Variants in SNX27 observed in about 807,000 individuals in gnomAD.
The protein encoded by SNX27 is sorting nexin 27, also known as sorting nexin-27.
A neutral mutation model predicts 71.6 loss-of-function variants in SNX27; 22 were observed. The ratio of observed to expected loss-of-function variants is 0.31; its 90% CI spans 0.22 to 0.44. SNX27 has a LOEUF of 0.44. SNX27 is among the 20% of genes least tolerant of loss of function. The probability of loss-of-function intolerance (pLI) is 1.00; values close to 1 mark genes in which losing one functional copy is unlikely to be tolerated. For synonymous variants in SNX27, 269 were observed against 277.2 expected, an observed-to-expected ratio of 0.97 and a Z score of 0.29; for missense variants, 531 against 698.6, an observed-to-expected ratio of 0.76 and a Z score of 2.70.
At chr1:151,645,722 C>T (rs1004478608) in intron 2 of SNX27, among the ~76,000 whole-genome samples, 7 of 152,172 alleles carry the variant, frequency 4.6e-5, no homozygotes, top group African/African-American at 1.4e-4. Context: ...GTCAGAAAGA[C>T]GTCACTTTCT....
intron 1 of SNX27, among the ~76,000 whole-genome samples, chr1:151,626,699 C>CTAAATAAATAAATAAA (rs71090202): frequency 3.4e-4 from 51 of 151,022 alleles, no homozygotes; most frequent in African/African-American, 1.2e-3. Flanking sequence ...AAGACTCCGT[C>CTAAATAAATAAATAAA]TAAATAAATA....
chr1:151,660,495 G>A (rs1440623738), intron 3 of SNX27: 2 of 252,514 alleles, frequency 7.9e-6, no homozygotes, highest in African/African-American at 4.4e-5. Flanking sequence ...CTTGTTAATA[G>A]GTCACACAAG....
chr1:151,671,901 G>A (rs900040779), intron 7 of SNX27, among the ~76,000 whole-genome samples: 12 of 151,966 alleles, frequency 7.9e-5, no homozygotes, highest in African/African-American at 1.7e-4. Flanking sequence ...ATAGTTTTTC[G>A]GTGGAGTCTT....
intron 1 of SNX27, among the ~76,000 whole-genome samples, chr1:151,637,733 T>G (rs1311566055): frequency 6.6e-6 from 1 of 152,180 alleles, no homozygotes; most frequent in South Asian, 2.1e-4. Context: ...AAATGGATAT[T>G]TCAGATACCA....
intron 1 of SNX27, among the ~76,000 whole-genome samples, chr1:151,633,045 TG>T (rs1211141358): frequency 6.6e-6 from 1 of 151,934 alleles, no homozygotes; most frequent in African/African-American, 2.4e-5. Context: ...CTAATTTTTT[TG>T]TATTTCTAGT....
chr1:151,634,569 C>T (rs1668387284), intron 1 of SNX27, among the ~76,000 whole-genome samples: 1 of 152,142 alleles, frequency 6.6e-6, no homozygotes, highest in Non-Finnish European at 1.5e-5. Context: ...TAGCTTAAGG[C>T]CTCTCTCTAT....
At position 151,694,612 on chromosome 1, in the gene SNX27, G is replaced by C; in HGVS notation, c.*195G>C. On this transcript the variant is annotated 3_prime_UTR_variant, in exon 12 of 12. Transcript: ENST00000458013. Reference sequence around the variant, plus strand: ...GGAATTGAGGTGGTAGTGAACAGCAGATCGGTCAGCACCAGAAGTCAACTG... The same window carrying C: ...GGAATTGAGGTGGTAGTGAACAGCACATCGGTCAGCACCAGAAGTCAACTG... The C allele has an allele frequency of 1.9e-6, 1 of 526,940 alleles. No individual in the cohort carries two copies. The highest frequency in any genetic ancestry group is 3.2e-6 in the Non-Finnish European group (1 of 314,914). The allele number at this position is 526,940 out of a possible 1,614,324, so 32.6% of individuals were successfully genotyped here. A position where few individuals can be genotyped will look rare whatever the true frequency, so the allele number is the denominator to read the frequency against.
rs182851942 is a variant in SNX27, at chr1:151,665,595, G to A, written c.907-338G>A. Among the ~76,000 whole-genome samples, 102 of 152,232 alleles carry A rather than the reference G, an allele frequency of 6.7e-4. 1 individual carries two copies. The highest frequency in any genetic ancestry group is 2.4e-3 in the African/African-American group (98 of 41,516). The stretch of plus-strand genomic sequence containing the variant: ...CTATTAAGTACATTTCTTGTAAGTG[G>A]TGTTAAAAATAGAATGAAGTTATTT... On this transcript the variant is annotated intron_variant, in intron 5 of 11. Coordinates refer to ENST00000458013, the MANE Select transcript of SNX27 (RefSeq NM_001330723.2).
rs1671811659 is a variant in SNX27, at chr1:151,697,393, G to C, written c.*2976G>C. ...GGAGGCCCCTTAGAATGGGTAGATG[G>C]TGTTATGTTCCCTTTCTGGCATAGC... On this transcript the variant is annotated 3_prime_UTR_variant, in exon 12 of 12. Coordinates refer to ENST00000458013, the MANE Select transcript of SNX27 (RefSeq NM_001330723.2). 6.6e-6 allele frequency: 1 copy of C among 152,476 alleles called. No homozygotes were observed. The allele number at this position is 152,476 out of a possible 1,614,324, so 9.4% of individuals were successfully genotyped here.
At chr1:151,633,972 G>T (rs1240612882) in intron 1 of SNX27, among the ~76,000 whole-genome samples, 19 of 143,950 alleles carry the variant, frequency 1.3e-4, no homozygotes, top group Non-Finnish European at 1.7e-4. Context: ...GTGTATGTGT[G>T]TTTTTTTTTT....
chr1:151,615,715 CT>C, intron 1 of SNX27: 8 of 984,202 alleles, frequency 8.1e-6, no homozygotes, highest in Non-Finnish European at 9.7e-6. Context: ...CTATTTAAGA[CT>C]TTTCCCTATT....
intron 5 of SNX27, 160 bp downstream of exon 5, chr1:151,662,430 C>T: frequency 2.2e-6 from 1 of 454,588 alleles, no homozygotes; most frequent in Non-Finnish European, 4.0e-6. Flanking sequence ...AGTACTTTGC[C>T]CTCCTTAAAA....
rs1553267129 is a variant in SNX27, at chr1:151,696,498, T to TTTCTTTCTTTCTTTCTTTCTTTCTTTCG, written c.*2088_*2089insTTTCTTTCTTTCTTTCTTTCGTTCTTTC. The TTTCTTTCTTTCTTTCTTTCTTTCTTTCG allele has an allele frequency of 1.1e-4, 12 of 106,598 alleles. No individual in the cohort carries two copies. The highest frequency in any genetic ancestry group is 3.5e-4 in the African/African-American group (10 of 28,560). The allele number at this position is 106,598 out of a possible 1,614,324, so 6.6% of individuals were successfully genotyped here. Reference sequence around the variant, plus strand: ...CTTTCTTTCTTTCTTTCTTTCTTTCTTTCTTTCGTTCTTTCGTTCTTTCGT... The same window carrying TTTCTTTCTTTCTTTCTTTCTTTCTTTCG: ...CTTTCTTTCTTTCTTTCTTTCTTTCTTTCTTTCTTTCTTTCTTTCTTTCTTTCGTTCTTTCGTTCTTTCGTTCTTTCGT... On this transcript the variant is annotated 3_prime_UTR_variant, in exon 12 of 12. Coordinates refer to ENST00000458013, the MANE Select transcript of SNX27 (RefSeq NM_001330723.2).
chr1:151,683,983 A>G (rs1050464917), intron 8 of SNX27, among the ~76,000 whole-genome samples: 1 of 152,182 alleles, frequency 6.6e-6, no homozygotes, highest in Admixed American at 6.5e-5. Context: ...TTTATTATTA[A>G]TAATAACTAT....
chr1:151,651,401 C>T (rs1427379842), intron 2 of SNX27, among the ~76,000 whole-genome samples: 4 of 151,754 alleles, frequency 2.6e-5, no homozygotes, highest in South Asian at 2.1e-4. Context: ...ACCTCCCTCC[C>T]GGACGGGGTG....
chr1:151,612,620 C>A lies in SNX27; in HGVS notation c.311+108C>A. 1 of 903,592 alleles carries A rather than the reference C, an allele frequency of 1.1e-6. No individual in the cohort carries two copies. Among genetic ancestry groups the A allele is most frequent in the Non-Finnish European group, 1.5e-6 (1 of 680,030 alleles). The allele number at this position is 903,592 out of a possible 1,614,324, so 56.0% of individuals were successfully genotyped here. ...GCCGCACCTCCCCCGAGCTCCGAGCCGGCCTCCGGACCCCCGCCCCTCAGG... is the reference window on the plus strand; with the variant it reads ...GCCGCACCTCCCCCGAGCTCCGAGCAGGCCTCCGGACCCCCGCCCCTCAGG... On this transcript the variant is annotated intron_variant, in intron 1 of 11. Transcript: ENST00000458013. This position sits in a 1 kb window ranked among gnomAD's most constrained non-coding sequence, Gnocchi z 5.2.
intron 7 of SNX27, among the ~76,000 whole-genome samples, chr1:151,682,612 C>T (rs1285765884): frequency 1.3e-5 from 2 of 152,170 alleles, no homozygotes; most frequent in Non-Finnish European, 2.9e-5. Context: ...AATTGACTCA[C>T]AGTTTCGCAT....
intron 1 of SNX27, among the ~76,000 whole-genome samples, chr1:151,634,261 G>A (rs1418854165): frequency 6.6e-6 from 1 of 152,084 alleles, no homozygotes; most frequent in Non-Finnish European, 1.5e-5. Flanking sequence ...TTTTTAATGG[G>A]CTGCCTCTGA....
chr1:151,675,844 T>TTTTTTTTTTTTTTTTTTTTTG (rs1670672699), intron 7 of SNX27: 1 of 117,534 alleles, frequency 8.5e-6, no homozygotes, highest in Non-Finnish European at 1.7e-5. Context: ...TTTTTTTTTT[T>TTTTTTTTTTTTTTTTTTTTTG]TATATAGGCT....
Sources: gnomAD v4.1 joint callset for allele counts (sites outside exome capture counted in the v4.1 genomes callset) on GRCh38, gnomAD v4.1.1 for gene constraint, Gnocchi (gnomAD v3.1) non-coding constraint, MANE v1.5 for transcripts, NCBI Gene and HGNC (gene_info 2026-07-23, HGNC 2026-07-21) for gene names.